LINGO2: variants seen among roughly 807,000 people sequenced by gnomAD.
The protein encoded by LINGO2 is leucine rich repeat and Ig domain containing 2.
LINGO2 carries 14 observed loss-of-function variants against 30.6 expected under a neutral mutation model. The observed-to-expected ratio is 0.46, with a 90% CI of 0.30 to 0.72. The LOEUF (loss-of-function observed/expected upper bound fraction) is 0.72, where lower values mean the gene tolerates loss of function less well. Among genes scored for constraint, LINGO2 ranks in the 30% least tolerant of loss-of-function variants. LINGO2 has a pLI of 0.07. For synonymous variants in LINGO2, 317 were observed against 288.5 expected (o/e 1.10, Z -1.00); for missense variants, 729 against 751.7 (o/e 0.97, Z 0.35).
At chr9:28,034,493 C>G (rs1278640214) in intron 4 of LINGO2, among the ~76,000 whole-genome samples, 1 of 152,092 alleles carries the variant, frequency 6.6e-6, no homozygotes, top group Non-Finnish European at 1.5e-5. Flanking sequence ...GCTTTTGTGG[C>G]CCAGAAGCCC....
intron 2 of LINGO2, among the ~76,000 whole-genome samples, chr9:28,414,691 T>C (rs1032809698): frequency 3.9e-5 from 6 of 152,122 alleles, no homozygotes; most frequent in African/African-American, 1.4e-4. Flanking sequence ...AGGGTATTAA[T>C]GAGCCATTTA....
At chr9:28,217,566 G>A (rs911040450) in intron 4 of LINGO2, among the ~76,000 whole-genome samples, 1 of 151,916 alleles carries the variant, frequency 6.6e-6, no homozygotes, top group Non-Finnish European at 1.5e-5. Flanking sequence ...AGAGAGTCTT[G>A]GAAGTCTTAT....
At chr9:28,327,935 A>G (rs973908193) in intron 3 of LINGO2, among the ~76,000 whole-genome samples, 3 of 152,170 alleles carry the variant, frequency 2.0e-5, no homozygotes, top group African/African-American at 7.2e-5. Context: ...AGGAAAGAAA[A>G]AAAATAAGAG....
At chr9:28,104,057 A>T (rs1049316910) in intron 4 of LINGO2, among the ~76,000 whole-genome samples, 2 of 151,898 alleles carry the variant, frequency 1.3e-5, no homozygotes, top group African/African-American at 4.8e-5. Context: ...GGGGAAAAAA[A>T]CTCCTATAAA....
chr9:28,355,289 C>G (rs1047514907), intron 3 of LINGO2, among the ~76,000 whole-genome samples: 1 of 90,448 alleles, frequency 1.1e-5, no homozygotes, highest in African/African-American at 4.0e-5. Flanking sequence ...GTCTCTCTCT[C>G]TCTCTCTATG....
At chr9:29,031,872 T>A in the LINGO2 span, among the ~76,000 whole-genome samples, 1 of 152,186 alleles carries the variant, frequency 6.6e-6, no homozygotes, top group Non-Finnish European at 1.5e-5. Flanking sequence ...TATATTTTAA[T>A]CATTGGCTCC....
chr9:28,883,628 G>GTGTGTATGTATATATATATATA, the LINGO2 span, among the ~76,000 whole-genome samples: 344 of 64,140 alleles, frequency 5.4e-3, 91 homozygotes, highest in Non-Finnish European at 6.8e-3. Context: ...ATGTGTGTGT[G>GTGTGTATGTATATATATATATA]TATATATATA....
intron 4 of LINGO2, among the ~76,000 whole-genome samples, chr9:28,048,026 A>T (rs1484535891): frequency 6.6e-6 from 1 of 150,398 alleles, no homozygotes; most frequent in East Asian, 2.0e-4. Context: ...ATCACATTAG[A>T]CATTAAACTT....
At chr9:28,871,350 C>A in the LINGO2 span, among the ~76,000 whole-genome samples, 230 of 150,904 alleles carry the variant, frequency 1.5e-3, no homozygotes, top group African/African-American at 5.1e-3. Context: ...AATATATATG[C>A]ATATAGAAAA....
the LINGO2 span, among the ~76,000 whole-genome samples, chr9:29,104,129 T>C: frequency 6.6e-6 from 1 of 152,152 alleles, no homozygotes; most frequent in Non-Finnish European, 1.5e-5. Flanking sequence ...TTGAATTACT[T>C]AAATTGTGAC....
intron 1 of LINGO2, among the ~76,000 whole-genome samples, chr9:28,617,279 A>G (rs1826171269): frequency 6.6e-6 from 1 of 151,694 alleles, no homozygotes; most frequent in Admixed American, 6.6e-5. Context: ...TTTAATCTAA[A>G]GAATATTTCT....
At chr9:28,287,773 TGAGA>T (rs540327519) in intron 4 of LINGO2, among the ~76,000 whole-genome samples, 1 of 152,136 alleles carries the variant, frequency 6.6e-6, no homozygotes, top group Non-Finnish European at 1.5e-5. Context: ...AAGCATACAC[TGAGA>T]GAGAGTTTGT....
intron 4 of LINGO2, among the ~76,000 whole-genome samples, chr9:28,047,802 A>C (rs113969709): frequency 5.7e-4 from 7 of 12,266 alleles, no homozygotes; most frequent in Non-Finnish European, 3.9e-3. Flanking sequence ...AGAGCAAAGT[A>C]TTTTTTTTAC....
At chr9:28,309,287 A>G (rs1410477288) in intron 3 of LINGO2, among the ~76,000 whole-genome samples, 2 of 152,180 alleles carry the variant, frequency 1.3e-5, no homozygotes, top group South Asian at 2.1e-4. Flanking sequence ...TTGTAGGGAC[A>G]TGGATGAAAT....
At chr9:28,276,700 G>A (rs13301122) in intron 4 of LINGO2, among the ~76,000 whole-genome samples, 24,938 of 151,948 alleles carry the variant, frequency 0.16, 2,793 homozygotes, top group Non-Finnish European at 0.24. Flanking sequence ...ACTACTTCTC[G>A]CATATTATAT....
intron 3 of LINGO2, among the ~76,000 whole-genome samples, chr9:28,368,209 A>T (rs1820752941): frequency 6.6e-6 from 1 of 151,806 alleles, no homozygotes; most frequent in South Asian, 2.1e-4. Flanking sequence ...TTCTTCTTTC[A>T]TGGTGTACAA....
At chr9:28,869,346 G>A in the LINGO2 span, among the ~76,000 whole-genome samples, 1 of 151,946 alleles carries the variant, frequency 6.6e-6, no homozygotes, top group African/African-American at 2.4e-5. Context: ...ATCAGAATTA[G>A]ACAATAAGAA....
chr9:28,448,054 A>T (rs1473679827), intron 2 of LINGO2, among the ~76,000 whole-genome samples: 1 of 152,106 alleles, frequency 6.6e-6, no homozygotes, highest in African/African-American at 2.4e-5. Context: ...TTCTCTGTGG[A>T]TCATACTACC....
intron 5 of LINGO2, among the ~76,000 whole-genome samples, chr9:27,984,342 A>G (rs981887220): frequency 2.0e-5 from 3 of 151,870 alleles, no homozygotes; most frequent in African/African-American, 7.2e-5. Context: ...GTGAGACTCA[A>G]CCAGGTTTTA....
Sources: gnomAD v4.1 joint callset for allele counts (sites outside exome capture counted in the v4.1 genomes callset) on GRCh38, gnomAD v4.1.1 for gene constraint, MANE v1.5 for transcripts, NCBI Gene and HGNC (gene_info 2026-07-23, HGNC 2026-07-21) for gene names.